The following SEL1L variants were observed in gnomAD, a reference collection of about 807,000 sequenced individuals.
SEL1L encodes protein sel-1 homolog 1.
In SEL1L, 52 loss-of-function variants were observed where a neutral mutation model predicts 109.8. The ratio of observed to expected loss-of-function variants is 0.47; its 90% CI spans 0.38 to 0.60. SEL1L has a LOEUF of 0.60. Ranked by LOEUF, SEL1L falls within the 20% of genes least tolerant of loss-of-function variation. The pLI is 0.00. For synonymous variants in SEL1L, 373 were observed against 339.6 expected (o/e 1.10, Z -1.08); for missense variants, 749 against 962.2 (o/e 0.78, Z 2.93).
intron 3 of SEL1L, among the ~76,000 whole-genome samples, chr14:81,522,245 T>C (rs1167876571): frequency 1.3e-5 from 2 of 152,166 alleles, no homozygotes; most frequent in Non-Finnish European, 2.9e-5. Flanking sequence ...AGCCTAAGTG[T>C]ACTTGTTTAT....
intron 14 of SEL1L, among the ~76,000 whole-genome samples, chr14:81,488,227 A>C (rs192534385): frequency 7.1e-4 from 108 of 152,318 alleles, no homozygotes; most frequent in African/African-American, 2.5e-3. Context: ...GGAATTAAGA[A>C]ACAGTCAATC....
chr14:81,472,491 A>C lies in SEL1L; in HGVS notation c.*4481T>G, dbSNP rs1903040295. The stretch of plus-strand genomic sequence containing the variant: ...TTGTGTACATGTTCACTCTTGATTT[A>C]ATATTTTTTCATTTCTCCTTTACTC... On this transcript the variant is annotated 3_prime_UTR_variant, in exon 21 of 21. Coordinates refer to ENST00000336735, the MANE Select transcript of SEL1L (RefSeq NM_005065.6). 3.1e-6 allele frequency: 1 copy of C among 327,076 alleles called. No homozygotes were observed. Among genetic ancestry groups the C allele is most frequent in the Non-Finnish European group, 5.9e-6 (1 of 169,558 alleles). 20.3% of individuals were successfully genotyped at this position (327,076 alleles called of 1,614,324 possible).
At chr14:81,481,307 A>C (rs1903348573) in intron 19 of SEL1L, among the ~76,000 whole-genome samples, 1 of 152,238 alleles carries the variant, frequency 6.6e-6, no homozygotes, top group African/African-American at 2.4e-5. Context: ...AGAAAGGTTA[A>C]AGACCAAAAA....
Position 81,527,710 on chromosome 14 carries a change from T to C in SEL1L, c.99A>G (p.Leu33=). 1 of 1,603,044 alleles carries C rather than the reference T, an allele frequency of 6.2e-7. No individual in the cohort carries two copies. ...ACATTTTAGTACATACCTTGGAATC[T>C]AAGGATTCATCCTGGCTGCCTTCTT... ...SDEEGSQDES[L]DSKTTLTSDE... Residue 33 remains leucine (L), a synonymous_variant, in exon 2 of 21, where the codon TTA becomes TTG. Transcript: ENST00000336735.
At chr14:81,526,445 G>A (rs1353384608) in intron 3 of SEL1L, among the ~76,000 whole-genome samples, 1 of 152,026 alleles carries the variant, frequency 6.6e-6, no homozygotes, top group African/African-American at 2.4e-5. Flanking sequence ...AAATTTCTCA[G>A]TGAGAAATGT....
intron 19 of SEL1L, among the ~76,000 whole-genome samples, chr14:81,480,857 T>C (rs534544525): frequency 6.6e-6 from 1 of 152,352 alleles, no homozygotes; most frequent in South Asian, 2.1e-4. Context: ...GCAACGTTTC[T>C]CTGCTTCGCT....
intron 9 of SEL1L, 32 bp from the exon 10 acceptor site, chr14:81,498,078 G>A (rs768504710): frequency 3.2e-6 from 5 of 1,586,800 alleles, no homozygotes; most frequent in African/African-American, 1.4e-5. Context: ...ATAAGGTGGA[G>A]GAAAATCAGA....
At chr14:81,499,576 T>C (rs1379007501) in intron 7 of SEL1L, 33 bp downstream of exon 7, 7 of 1,609,442 alleles carry the variant, frequency 4.3e-6, no homozygotes, top group Admixed American at 1.7e-5. Flanking sequence ...TCAATTCAAA[T>C]TGTAATATGC....
chr14:81,490,363 T>C, intron 13 of SEL1L, 25 bp downstream of exon 13: 1 of 1,562,144 alleles, frequency 6.4e-7, no homozygotes, highest in Non-Finnish European at 8.8e-7. Context: ...GGTACACATT[T>C]CAGTACACTG....
chr14:81,484,002 T>A (rs1463020560), intron 19 of SEL1L, among the ~76,000 whole-genome samples: 2 of 152,244 alleles, frequency 1.3e-5, no homozygotes, highest in Non-Finnish European at 2.9e-5. Flanking sequence ...CATGAGTCTG[T>A]CTTCAGCTTA....
chr14:81,479,741 C>G lies in SEL1L; in HGVS notation c.2047-1G>C. 6.2e-7 allele frequency: 1 copy of G among 1,603,984 alleles called. No individual in the cohort carries two copies. The highest frequency in any genetic ancestry group is 8.5e-7 in the Non-Finnish European group (1 of 1,176,580). ...AAAAACGTTTCGCAAGGTGAATATC[C>G]TATAATACAGGTAAGAAACAAAAAT... On this transcript the variant is annotated splice_acceptor_variant, in intron 19 of 20. Transcript: ENST00000336735. LOFTEE classifies it high-confidence loss of function.
intron 3 of SEL1L, among the ~76,000 whole-genome samples, chr14:81,507,687 T>C (rs562715164): frequency 6.8e-6 from 1 of 147,810 alleles, no homozygotes; most frequent in Admixed American, 6.7e-5. Flanking sequence ...AATTCTCCAG[T>C]ACACAGATAA....
chr14:81,498,506 C>G lies in SEL1L; in HGVS notation c.892-12G>C. The G allele has an allele frequency of 6.2e-7, 1 of 1,608,404 alleles. No homozygotes were observed. The highest frequency in any genetic ancestry group is 8.5e-7 in the Non-Finnish European group (1 of 1,175,766). On this transcript the variant is annotated splice_polypyrimidine_tract_variant and intron_variant, in intron 8 of 20. Coordinates refer to ENST00000336735, the MANE Select transcript of SEL1L (RefSeq NM_005065.6). ...CAGTATCTGTAACCCTGTAAAACAACTTCACGTGAGGAGGCAGCAGTTTCA... is the reference window on the plus strand; with the variant it reads ...CAGTATCTGTAACCCTGTAAAACAAGTTCACGTGAGGAGGCAGCAGTTTCA...
intron 11 of SEL1L, among the ~76,000 whole-genome samples, chr14:81,494,062 A>G (rs900954319): frequency 2.6e-5 from 4 of 152,132 alleles, no homozygotes; most frequent in African/African-American, 9.7e-5. Context: ...GGCAACTCCT[A>G]AATTTATATT....
At position 81,484,078 on chromosome 14, in the gene SEL1L, A is replaced by C. The variant is rs11848966; in HGVS notation, c.2046+147T>G. On this transcript the variant is annotated intron_variant, in intron 19 of 20. Coordinates refer to ENST00000336735, the MANE Select transcript of SEL1L (RefSeq NM_005065.6). ...GCTGGAAGATGAGAGATGGAAGGGCAGTCTTCTGAAATATTACAAATCAGT... is the reference window on the plus strand; with the variant it reads ...GCTGGAAGATGAGAGATGGAAGGGCCGTCTTCTGAAATATTACAAATCAGT... 9.7e-3 allele frequency: 7,410 copies of C among 765,482 alleles called. 402 individuals are homozygous for C. The African/African-American group carries it at 0.11, about 12-fold the overall frequency. 47.4% of individuals were successfully genotyped at this position (765,482 alleles called of 1,614,324 possible). A position where few individuals can be genotyped will look rare whatever the true frequency, so the allele number is the denominator to read the frequency against.
At chr14:81,487,776 C>T (rs1254367675) in intron 15 of SEL1L, 79 bp downstream of exon 15, 1 of 1,580,558 alleles carries the variant, frequency 6.3e-7, no homozygotes, top group Admixed American at 1.9e-5. Context: ...GCACCCATTT[C>T]CACATCATAA....
intron 3 of SEL1L, among the ~76,000 whole-genome samples, chr14:81,526,274 C>T (rs570643926): frequency 1.1e-4 from 17 of 152,240 alleles, no homozygotes; most frequent in African/African-American, 4.1e-4. Context: ...TACACACAAG[C>T]GTCAGCTGAG....
rs754712236 is a variant in SEL1L at position 81,518,769 on chromosome 14, C to G, written c.340+7964G>C. 6.7e-5 allele frequency among the ~76,000 whole-genome samples: 10 copies of G among 150,116 alleles called. No homozygotes were observed. In the South Asian group the frequency reaches 1.3e-3, roughly 19 times the overall value. The stretch of plus-strand genomic sequence containing the variant: ...TTATGATAAATGGGAATTGTTTTAA[C>G]TGGCTAAGTCCAGGCCTCCTAAAAG... On this transcript the variant is annotated intron_variant, in intron 3 of 20. Coordinates refer to ENST00000336735, the MANE Select transcript of SEL1L (RefSeq NM_005065.6).
intron 3 of SEL1L, among the ~76,000 whole-genome samples, chr14:81,515,925 T>C (rs1884682396): frequency 6.6e-6 from 1 of 152,136 alleles, no homozygotes; most frequent in African/African-American, 2.4e-5. Context: ...GCCTTAGTCA[T>C]GGCCCTCCAG....
Sources: allele counts gnomAD v4.1 joint callset (sites outside exome capture counted in the v4.1 genomes callset), GRCh38; gene constraint gnomAD v4.1.1; transcripts MANE v1.5; gene names NCBI Gene and HGNC (gene_info 2026-07-23, HGNC 2026-07-21).